Variants in VPS53 observed in about 807,000 individuals in gnomAD.
VPS53 encodes the protein vacuolar protein sorting-associated protein 53 homolog.
A neutral mutation model predicts 107.0 loss-of-function variants in VPS53; 70 were observed. The ratio of observed to expected loss-of-function variants is 0.65; its 90% confidence interval spans 0.54 to 0.80. The LOEUF (loss-of-function observed/expected upper bound fraction) is 0.80, where lower values mean the gene tolerates loss of function less well. VPS53 is among the 30% of genes least tolerant of loss of function. The probability of loss-of-function intolerance (pLI) is 0.00; values close to 1 mark genes in which losing one functional copy is unlikely to be tolerated. For missense variants in VPS53, 917 were observed against 1,049.4 expected, an observed-to-expected ratio of 0.87 and a Z score of 1.74; for synonymous variants, 409 against 393.3, an observed-to-expected ratio of 1.04 and a Z score of -0.47.
chr17:701,991 A>G (rs989910369), intron 2 of VPS53, among the ~76,000 whole-genome samples: 1 of 152,204 alleles, frequency 6.6e-6, no homozygotes, highest in African/African-American at 2.4e-5. Context: ...GGCCTCCCAA[A>G]GCACTGGGAT....
At chr17:706,540 A>C (rs2143991077) in intron 2 of VPS53, among the ~76,000 whole-genome samples, 1 of 152,138 alleles carries the variant, frequency 6.6e-6, no homozygotes. Flanking sequence ...AGTCTCAAAA[A>C]AAAAAAAAAA....
rs540745960 is a variant in VPS53 at position 526,704 on chromosome 17, A to G, written c.2086-4966T>C. Among the ~76,000 whole-genome samples the G allele has an allele frequency of 5.3e-5, 8 of 152,302 alleles. No homozygotes were observed. The South Asian group carries it at 1.7e-3, about 32-fold the overall frequency. ...ATTTCTGGGGCAGTGTGGGCTGGCT[A>G]ATGTTGTTGATGGGATGTGGGGGTG... is the stretch of plus-strand genomic sequence containing the variant. On this transcript the variant is annotated intron_variant, in intron 19 of 21. Coordinates refer to ENST00000437048, the MANE Select transcript of VPS53 (RefSeq NM_001128159.3).
At chr17:643,207 A>AT (rs1418530813) in intron 7 of VPS53, among the ~76,000 whole-genome samples, 55 of 47,556 alleles carry the variant, frequency 1.2e-3, no homozygotes, top group African/African-American at 1.8e-3. Context: ...ATACTTGGCA[A>AT]CTGAGGACAA....
chr17:568,077 T>C (rs1429016406), intron 13 of VPS53, among the ~76,000 whole-genome samples: 1 of 152,082 alleles, frequency 6.6e-6, no homozygotes, highest in Non-Finnish European at 1.5e-5. Context: ...TATCCATGGA[T>C]GGCCAAGGCC....
intron 7 of VPS53, among the ~76,000 whole-genome samples, chr17:651,807 CCTT>C (rs1218894826): frequency 1.3e-5 from 2 of 152,180 alleles, no homozygotes; most frequent in African/African-American, 4.8e-5. Context: ...TCCTGCCCCT[CCTT>C]CTAACAGAAA....
rs199703016 is a variant in VPS53 at position 591,578 on chromosome 17, G to A, written c.1219-5214C>T. Among the ~76,000 whole-genome samples the A allele has an allele frequency of 1.8e-3, 275 of 152,042 alleles. 8 individuals are homozygous for A. The East Asian group carries it at 0.046, about 26-fold the overall frequency. On this transcript the variant is annotated intron_variant, in intron 12 of 21. Transcript: ENST00000437048. ...TGTCCCAGAGATTCTGGTATGTTGCGTCTTTGTTCTCGTTGGTTTCAAAGA... is the reference window on the plus strand; with the variant it reads ...TGTCCCAGAGATTCTGGTATGTTGCATCTTTGTTCTCGTTGGTTTCAAAGA...
chr17:598,842 C>G (rs1470774891), intron 12 of VPS53, among the ~76,000 whole-genome samples: 1 of 77,054 alleles, frequency 1.3e-5, no homozygotes, highest in African/African-American at 4.7e-5. Flanking sequence ...CGTCTCCGCC[C>G]GGCAGCCACC....
chr17:562,901 C>T (rs1433374065), intron 13 of VPS53, among the ~76,000 whole-genome samples, 156 bp from the exon 14 acceptor site: 1 of 152,102 alleles, frequency 6.6e-6, no homozygotes, highest in Non-Finnish European at 1.5e-5. Flanking sequence ...TATCATCATT[C>T]ACTACCACCA....
chr17:666,213 C>T (rs1014777113), intron 4 of VPS53, among the ~76,000 whole-genome samples: 2 of 152,030 alleles, frequency 1.3e-5, no homozygotes, highest in East Asian at 1.9e-4. Context: ...GACCCTTGGG[C>T]ATGCCAATAT....
chr17:615,492 G>A (rs1969094568), intron 11 of VPS53, among the ~76,000 whole-genome samples: 1 of 152,146 alleles, frequency 6.6e-6, no homozygotes. Flanking sequence ...GAATGATACA[G>A]TGAAGGCGGC....
rs1444375176 is a variant in VPS53 at position 537,135 on chromosome 17, G to A, written c.1908C>T (p.Pro636=). Residue 636 remains proline (P), a synonymous_variant, in exon 18 of 22, where the codon CCC becomes CCT. Transcript: ENST00000437048. ...TGTGCAGAATGACAGAGGTGACGTA[G>A]GGGCTCTGGTCACCAACGTGCTCCA... ...QNVEHVGDQS[P]YVTSVILHIK... is the part of the protein sequence containing the mutation. 6.2e-7 allele frequency: 1 copy of A among 1,614,140 alleles called. No individual in the cohort carries two copies. The highest frequency in any genetic ancestry group is 8.5e-7 in the Non-Finnish European group (1 of 1,180,036).
chr17:581,997 T>TC, intron 13 of VPS53, among the ~76,000 whole-genome samples: 1 of 145,640 alleles, frequency 6.9e-6, no homozygotes, highest in East Asian at 2.1e-4. Flanking sequence ...CTTCAGAACC[T>TC]AATGCGTTCC....
At chr17:685,505 C>T (rs1177237535) in intron 4 of VPS53, among the ~76,000 whole-genome samples, 3 of 152,054 alleles carry the variant, frequency 2.0e-5, no homozygotes, top group Non-Finnish European at 4.4e-5. Flanking sequence ...AAAATAGGCT[C>T]GGTGTTAGAT....
At chr17:713,922 G>C (rs1197767977) in intron 1 of VPS53, among the ~76,000 whole-genome samples, 1 of 150,916 alleles carries the variant, frequency 6.6e-6, no homozygotes, top group Non-Finnish European at 1.5e-5. Flanking sequence ...GCGTGCGCCT[G>C]TAATCACAGC....
chr17:678,992 G>T (rs1331357604), intron 4 of VPS53, among the ~76,000 whole-genome samples: 1 of 152,042 alleles, frequency 6.6e-6, no homozygotes, highest in Non-Finnish European at 1.5e-5. Context: ...GGCATTCAGA[G>T]AAAAGCCGTA....
At chr17:619,322 C>A (rs572169483) in intron 11 of VPS53, among the ~76,000 whole-genome samples, 1 of 147,872 alleles carries the variant, frequency 6.8e-6, no homozygotes, top group East Asian at 2.0e-4. Flanking sequence ...CAGGCGCGCA[C>A]CACCACGCCC....
intron 5 of VPS53, chr17:656,803 G>A: frequency 5.3e-6 from 8 of 1,518,044 alleles, no homozygotes; most frequent in Non-Finnish European, 7.3e-6. Context: ...TTCACCCGCT[G>A]CTCTGTTTGG....
chr17:706,860 C>T (rs1973425448), intron 2 of VPS53, among the ~76,000 whole-genome samples: 1 of 152,166 alleles, frequency 6.6e-6, no homozygotes, highest in African/African-American at 2.4e-5. Flanking sequence ...CCAGGTCTCA[C>T]CATCTCTTTC....
chr17:553,258 T>G, intron 16 of VPS53, 122 bp downstream of exon 16: 1 of 673,760 alleles, frequency 1.5e-6, no homozygotes, highest in Non-Finnish European at 2.6e-6. Context: ...ACGTGCCACA[T>G]GCTGCTGTGT....
Sources: allele counts gnomAD v4.1 joint callset (sites outside exome capture counted in the v4.1 genomes callset), GRCh38; gene constraint gnomAD v4.1.1; transcripts MANE v1.5; gene names NCBI Gene and HGNC (gene_info 2026-07-23, HGNC 2026-07-21).